Variants in COL5A2 observed in about 807,000 individuals in gnomAD.
COL5A2 encodes the protein collagen type V alpha 2 chain, also known as collagen alpha-2(V) chain.
COL5A2 carries 23 observed loss-of-function variants against 208.2 expected under a neutral mutation model. The ratio of observed to expected loss-of-function variants is 0.11; its 90% confidence interval spans 0.08 to 0.16. The LOEUF (loss-of-function observed/expected upper bound fraction) is 0.16, where lower values mean the gene tolerates loss of function less well. COL5A2 is among the 10% of genes least tolerant of loss of function. The probability of loss-of-function intolerance (pLI) is 1.00; values close to 1 mark genes in which losing one functional copy is unlikely to be tolerated. For synonymous variants in COL5A2, 625 were observed against 628.5 expected (o/e 0.99, Z 0.08); for missense variants, 1,590 against 1,956.4 (o/e 0.81, Z 3.53).
intron 1 of COL5A2, among the ~76,000 whole-genome samples, chr2:189,199,552 G>A (rs1403015631): frequency 6.6e-6 from 1 of 152,160 alleles, no homozygotes; most frequent in Non-Finnish European, 1.5e-5. Flanking sequence ...AAAGCAGAAA[G>A]GGACATAGAG....
At chr2:189,295,309 C>T in the COL5A2 span, among the ~76,000 whole-genome samples, 860 of 152,196 alleles carry the variant, frequency 5.7e-3, 6 homozygotes, top group Non-Finnish European at 0.01. Flanking sequence ...AATTAACATA[C>T]TAAAGATTCC....
At chr2:189,223,814 T>C (rs1559149880) in intron 1 of COL5A2, among the ~76,000 whole-genome samples, 1 of 152,132 alleles carries the variant, frequency 6.6e-6, no homozygotes, top group South Asian at 2.1e-4. Context: ...AGCTGGATAC[T>C]AGGGGAGTAT....
chr2:189,066,228 T>C (rs993060646), intron 23 of COL5A2, among the ~76,000 whole-genome samples, 162 bp downstream of exon 23: 2 of 152,252 alleles, frequency 1.3e-5, no homozygotes, highest in African/African-American at 4.8e-5. Context: ...GTATGAATAA[T>C]GATTAGTCAG....
intron 2 of COL5A2, among the ~76,000 whole-genome samples, chr2:189,107,245 C>T (rs1211451095): frequency 6.6e-6 from 1 of 151,510 alleles, no homozygotes; most frequent in Admixed American, 6.6e-5. Context: ...TTCTCTGTTT[C>T]TTCTAAGAAA....
Position 189,115,407 on chromosome 2 carries a change from GAA to G in COL5A2, c.98-4960_98-4959del, listed in dbSNP as rs35939845. Reference sequence around the variant, plus strand: ...TTTTCACACAATTACACCTGTGGGGGAAAAAAAAAAAGCCTGCATAGAAACGG... The same window carrying G: ...TTTTCACACAATTACACCTGTGGGGGAAAAAAAAAGCCTGCATAGAAACGG... On this transcript the variant is annotated intron_variant, in intron 1 of 53. Coordinates refer to ENST00000374866, the MANE Select transcript of COL5A2 (RefSeq NM_000393.5). Among the ~76,000 whole-genome samples, 806 of 142,684 alleles carry G rather than the reference GAA, an allele frequency of 5.6e-3. 2 individuals are homozygous for G. Among genetic ancestry groups the G allele is most frequent in the Middle Eastern group, 0.011 (3 of 272 alleles). The allele number at this position is 142,684 out of a possible 152,430, so 93.6% of individuals were successfully genotyped here. A position where few individuals can be genotyped will look rare whatever the true frequency, so the allele number is the denominator to read the frequency against.
intron 2 of COL5A2, among the ~76,000 whole-genome samples, chr2:189,108,623 C>T (rs1687197812): frequency 6.6e-6 from 1 of 151,748 alleles, no homozygotes; most frequent in Non-Finnish European, 1.5e-5. Flanking sequence ...CATGTGGTTG[C>T]CATTTCAATA....
At position 189,054,223 on chromosome 2, in the gene COL5A2, A is replaced by AC. The variant is rs779490174; in HGVS notation, c.2392-12dup. Reference sequence around the variant, plus strand: ...AGGACCTGGAAGACCCTGTCAATTAACAGAACATAGGCATATTGAGGTAAA... The same window carrying AC: ...AGGACCTGGAAGACCCTGTCAATTAACCAGAACATAGGCATATTGAGGTAAA... On this transcript the variant is annotated splice_polypyrimidine_tract_variant and intron_variant, in intron 35 of 53. Transcript: ENST00000374866. 20 of 1,611,320 alleles carry AC rather than the reference A, an allele frequency of 1.2e-5. No homozygotes were observed. The South Asian group carries it at 2.2e-4, about 18-fold the overall frequency.
At chr2:189,308,015 G>A in the COL5A2 span, among the ~76,000 whole-genome samples, 1 of 152,016 alleles carries the variant, frequency 6.6e-6, no homozygotes, top group Admixed American at 6.6e-5. Flanking sequence ...TTTGCACTGT[G>A]GACTCACCCT....
At chr2:189,307,584 G>A in the COL5A2 span, among the ~76,000 whole-genome samples, 4 of 152,102 alleles carry the variant, frequency 2.6e-5, no homozygotes, top group South Asian at 2.1e-4. Flanking sequence ...GAACCAGAGC[G>A]ACTCCATTTT....
chr2:189,252,340 T>G, the COL5A2 span, among the ~76,000 whole-genome samples: 1 of 152,138 alleles, frequency 6.6e-6, no homozygotes, highest in Non-Finnish European at 1.5e-5. Context: ...CTATTCACAA[T>G]AGCAAAGACT....
At chr2:189,308,047 C>CACA in the COL5A2 span, among the ~76,000 whole-genome samples, 2 of 152,058 alleles carry the variant, frequency 1.3e-5, no homozygotes, top group African/African-American at 4.8e-5. Flanking sequence ...TGTGTGAGAT[C>CACA]CAAGAACTCT....
chr2:189,162,210 C>A (rs756509662), intron 1 of COL5A2, among the ~76,000 whole-genome samples: 1 of 152,136 alleles, frequency 6.6e-6, no homozygotes, highest in Non-Finnish European at 1.5e-5. Flanking sequence ...TCCCACTAGA[C>A]GATTAACTTC....
At chr2:189,259,458 A>C in the COL5A2 span, among the ~76,000 whole-genome samples, 1 of 152,220 alleles carries the variant, frequency 6.6e-6, no homozygotes, top group African/African-American at 2.4e-5. Context: ...TCCCTAATTT[A>C]GACCAAATTT....
the COL5A2 span, among the ~76,000 whole-genome samples, chr2:189,292,581 A>G: frequency 6.6e-6 from 1 of 152,196 alleles, no homozygotes; most frequent in African/African-American, 2.4e-5. Context: ...ATAGAATGGC[A>G]ATCATTAAAA....
intron 51 of COL5A2, among the ~76,000 whole-genome samples, chr2:189,038,554 G>C (rs901114088): frequency 6.6e-6 from 1 of 152,158 alleles, no homozygotes; most frequent in Admixed American, 6.5e-5. Flanking sequence ...CAAATCACAG[G>C]ATTGCTGGGT....
the COL5A2 span, among the ~76,000 whole-genome samples, chr2:189,255,664 C>A: frequency 3.3e-5 from 5 of 152,018 alleles, no homozygotes; most frequent in Non-Finnish European, 7.4e-5. Context: ...GGTTCCAATG[C>A]TAGACATTAT....
chr2:189,432,557 A>G, the COL5A2 span, among the ~76,000 whole-genome samples: 2 of 152,184 alleles, frequency 1.3e-5, no homozygotes, highest in African/African-American at 2.4e-5. Flanking sequence ...CAGACTTTAA[A>G]CCAACAAATA....
At chr2:189,331,266 C>A in the COL5A2 span, among the ~76,000 whole-genome samples, 2 of 152,144 alleles carry the variant, frequency 1.3e-5, no homozygotes, top group Non-Finnish European at 2.9e-5. Flanking sequence ...TGCAGTGGCT[C>A]ACACCTGTAA....
intron 16 of COL5A2, among the ~76,000 whole-genome samples, chr2:189,077,415 G>A (rs1217688116): frequency 1.3e-5 from 2 of 152,294 alleles, no homozygotes; most frequent in South Asian, 2.1e-4. Context: ...TGGATACACT[G>A]TCTCGTGATA....
Sources: gnomAD v4.1 joint callset for allele counts (sites outside exome capture counted in the v4.1 genomes callset) on GRCh38, gnomAD v4.1.1 for gene constraint, MANE v1.5 for transcripts, NCBI Gene and HGNC (gene_info 2026-07-23, HGNC 2026-07-21) for gene names.